The following KAZN variants were observed in gnomAD, a reference collection of about 807,000 sequenced individuals.
The protein encoded by KAZN is kazrin, periplakin interacting protein.
KAZN carries 40 observed loss-of-function variants against 87.4 expected under a neutral mutation model. That is an observed-to-expected ratio of 0.46 (90% CI 0.36 to 0.60). The LOEUF is 0.60. KAZN is among the 20% of genes least tolerant of loss of function. KAZN has a pLI of 0.00. For missense variants in KAZN, 898 were observed against 1,073.9 expected (o/e 0.84, Z 2.29); for synonymous variants, 466 against 458.3 (o/e 1.02, Z -0.22).
chr1:14,386,853 G>A (rs1661951191), intron 2 of KAZN, among the ~76,000 whole-genome samples: 1 of 152,134 alleles, frequency 6.6e-6, no homozygotes, highest in South Asian at 2.1e-4. Flanking sequence ...GAATCTGAAT[G>A]TTGGCCTGCC....
At chr1:14,024,631 C>T (rs1640989466) in intron 1 of KAZN, among the ~76,000 whole-genome samples, 1 of 152,148 alleles carries the variant, frequency 6.6e-6, no homozygotes, top group Non-Finnish European at 1.5e-5. Context: ...AAGGTAATTC[C>T]TGGAGGGCTA....
rs562562450 is a variant in KAZN, at chr1:14,509,481, G to A, written c.250-89502G>A. On this transcript the variant is annotated intron_variant, in intron 2 of 16. Transcript: ENST00000636203. ...TGGGTGAAACTGCCATGGCCTTTAC[G>A]CATGTGAAGCCTCCTTTGACAATGT... 5.1e-4 allele frequency among the ~76,000 whole-genome samples: 77 copies of A among 152,300 alleles called. 1 individual carries two copies. The highest frequency in any genetic ancestry group is 4.8e-3 in the East Asian group (25 of 5,176).
At chr1:14,429,327 G>A (rs778814987) in intron 2 of KAZN, among the ~76,000 whole-genome samples, 4 of 152,190 alleles carry the variant, frequency 2.6e-5, no homozygotes, top group Non-Finnish European at 5.9e-5. Flanking sequence ...TTCACACACC[G>A]TGGCTAAGTT....
At chr1:14,926,404 G>C (rs897650670) in intron 1 of KAZN, among the ~76,000 whole-genome samples, 1 of 152,196 alleles carries the variant, frequency 6.6e-6, no homozygotes, top group South Asian at 2.1e-4. Context: ...CCTAGGTCTA[G>C]GGGTGGTTGT....
chr1:14,614,954 C>A (rs1678109283), intron 1 of KAZN, among the ~76,000 whole-genome samples: 1 of 152,192 alleles, frequency 6.6e-6, no homozygotes, highest in African/African-American at 2.4e-5. Flanking sequence ...CCTTGGTTTC[C>A]TCGTAGGGAT....
intron 1 of KAZN, among the ~76,000 whole-genome samples, chr1:14,125,452 C>A (rs1171724676): frequency 6.6e-6 from 1 of 152,104 alleles, no homozygotes; most frequent in South Asian, 2.1e-4. Flanking sequence ...CACCCTGGAT[C>A]GTCCAGGTGG....
intron 1 of KAZN, among the ~76,000 whole-genome samples, chr1:14,051,684 A>G (rs1642336009): frequency 6.6e-6 from 1 of 152,020 alleles, no homozygotes; most frequent in African/African-American, 2.4e-5. Context: ...CACAAAAACT[A>G]CAAAAATTAG....
intron 2 of KAZN, among the ~76,000 whole-genome samples, chr1:14,506,510 C>T (rs770799585): frequency 1.3e-5 from 2 of 152,212 alleles, no homozygotes; most frequent in African/African-American, 4.8e-5. Context: ...AGCCCCAAAT[C>T]GCAGTTCTGC....
intron 1 of KAZN, among the ~76,000 whole-genome samples, chr1:14,710,356 T>C (rs571954802): frequency 6.6e-6 from 1 of 152,026 alleles, no homozygotes; most frequent in South Asian, 2.1e-4. Context: ...AAACTGTAAA[T>C]CAGATGACAT....
At chr1:13,971,296 C>A (rs1642127545) in intron 1 of KAZN, among the ~76,000 whole-genome samples, 1 of 152,174 alleles carries the variant, frequency 6.6e-6, no homozygotes, top group Non-Finnish European at 1.5e-5. Flanking sequence ...GCTTGCTTCA[C>A]CTTTACTAAC....
chr1:14,742,636 C>T (rs938437149), intron 1 of KAZN, among the ~76,000 whole-genome samples: 4 of 152,230 alleles, frequency 2.6e-5, no homozygotes, highest in South Asian at 2.1e-4. Context: ...ATATCCCTGC[C>T]TACCAAAACT....
chr1:15,098,338 A>G (rs902321011), intron 10 of KAZN, among the ~76,000 whole-genome samples: 2 of 152,214 alleles, frequency 1.3e-5, no homozygotes, highest in African/African-American at 4.8e-5. Flanking sequence ...AACAGCTGGG[A>G]ACGTATCGCC....
At position 14,388,110 on chromosome 1, in the gene KAZN, G is replaced by A. The variant is rs530564111; in HGVS notation, c.249+207518G>A. Among the ~76,000 whole-genome samples the A allele has an allele frequency of 2.7e-3, 414 of 152,266 alleles. 1 individual carries two copies. Among genetic ancestry groups the A allele is most frequent in the African/African-American group, 9.0e-3 (373 of 41,518 alleles). ...CGTCTGTCACCCCTTTCTTTGACTA[G>A]GAAAGGGAACTCCCTGATCCCTTGC... On this transcript the variant is annotated intron_variant, in intron 2 of 16. Transcript: ENST00000636203.
chr1:14,796,505 G>A (rs1373814365), intron 1 of KAZN, among the ~76,000 whole-genome samples: 3 of 152,218 alleles, frequency 2.0e-5, no homozygotes, highest in African/African-American at 7.2e-5. Flanking sequence ...CACATGGTAG[G>A]TGTGCGCTAC....
chr1:14,462,185 C>T (rs1469210513), intron 2 of KAZN, among the ~76,000 whole-genome samples: 2 of 151,724 alleles, frequency 1.3e-5, no homozygotes, highest in Non-Finnish European at 2.9e-5. Context: ...TGCTCTTTCA[C>T]TCTTTGTAAG....
chr1:14,302,948 G>A (rs144601521), intron 2 of KAZN, among the ~76,000 whole-genome samples: 2,206 of 152,274 alleles, frequency 0.014, 62 homozygotes, highest in African/African-American at 0.05. Flanking sequence ...GCTGCAGCAA[G>A]GTGGGAACAA....
At chr1:14,919,618 A>ACTGC (rs1299125220) in intron 1 of KAZN, among the ~76,000 whole-genome samples, 1 of 152,248 alleles carries the variant, frequency 6.6e-6, no homozygotes, top group African/African-American at 2.4e-5. Flanking sequence ...TCAAGAGTTT[A>ACTGC]CTGCTTTGTC....
chr1:14,199,815 G>A (rs965679673), intron 2 of KAZN, among the ~76,000 whole-genome samples: 1 of 152,042 alleles, frequency 6.6e-6, no homozygotes, highest in African/African-American at 2.4e-5. Context: ...CTGCATCTCT[G>A]GCTTGCTCTA....
At chr1:14,621,532 G>A (rs1232781095) in intron 1 of KAZN, among the ~76,000 whole-genome samples, 1 of 152,186 alleles carries the variant, frequency 6.6e-6, no homozygotes, top group Non-Finnish European at 1.5e-5. Flanking sequence ...AGGTCACTTT[G>A]CTTTGGGGAA....
Sources: allele counts gnomAD v4.1 joint callset (sites outside exome capture counted in the v4.1 genomes callset), GRCh38; gene constraint gnomAD v4.1.1; transcripts MANE v1.5; gene names NCBI Gene and HGNC (gene_info 2026-07-23, HGNC 2026-07-21).